Variants in ACER3 observed in about 807,000 individuals in gnomAD.
The protein encoded by ACER3 is alkCDase 3.
ACER3 carries 16 observed loss-of-function variants against 48.9 expected under a neutral mutation model. The observed-to-expected ratio is 0.33, with a 90% CI of 0.22 to 0.50. The LOEUF (loss-of-function observed/expected upper bound fraction) is 0.50, where lower values mean the gene tolerates loss of function less well. Ranked by LOEUF, ACER3 falls within the 20% of genes least tolerant of loss-of-function variation. The probability of loss-of-function intolerance (pLI) is 0.98; values close to 1 mark genes in which losing one functional copy is unlikely to be tolerated. For synonymous variants in ACER3, 109 were observed against 107.8 expected (o/e 1.01, Z -0.07); for missense variants, 227 against 326.0 (o/e 0.70, Z 2.34).
chr11:76,917,802 A>C (rs1946572073), intron 1 of ACER3, among the ~76,000 whole-genome samples: 1 of 151,292 alleles, frequency 6.6e-6, no homozygotes, highest in Admixed American at 6.6e-5. Flanking sequence ...TCGAGGCTGC[A>C]GTAAGCCATG....
intron 2 of ACER3, 98 bp downstream of exon 2, chr11:76,926,765 T>TA (rs1946841745): frequency 2.1e-5 from 16 of 747,742 alleles, no homozygotes; most frequent in Non-Finnish European, 3.5e-5. Context: ...TGTTATTACA[T>TA]AACTTGAATA....
intron 1 of ACER3, among the ~76,000 whole-genome samples, chr11:76,875,135 GATGGA>G (rs1945340043): frequency 4.2e-5 from 1 of 23,898 alleles, no homozygotes; most frequent in South Asian, 1.6e-3. Flanking sequence ...TTTTTTTTTA[GATGGA>G]ATCTCACTCT....
chr11:76,957,364 G>A lies in ACER3; in HGVS notation c.215-1615G>A, dbSNP rs1451377661. 3 of 302,298 alleles carry A rather than the reference G, an allele frequency of 9.9e-6. No individual in the cohort carries two copies. The Middle Eastern group carries it at 1.3e-3, about 126-fold the overall frequency. 18.7% of individuals were successfully genotyped at this position (302,298 alleles called of 1,614,324 possible). On this transcript the variant is annotated intron_variant, in intron 2 of 10. Transcript: ENST00000532485. ...GAAGCATAGAATTTTTTAAATTTTG[G>A]ATATTAAACCTTTGATATATTGAAG...
At chr11:76,996,290 T>G (rs972481367) in intron 6 of ACER3, among the ~76,000 whole-genome samples, 2 of 152,118 alleles carry the variant, frequency 1.3e-5, no homozygotes, top group African/African-American at 4.8e-5. Flanking sequence ...TTGGTCTGTT[T>G]CCTGTCAGTC....
chr11:76,962,993 G>T (rs769641821), intron 3 of ACER3, among the ~76,000 whole-genome samples: 2 of 151,442 alleles, frequency 1.3e-5, no homozygotes, highest in African/African-American at 4.9e-5. Context: ...CTACAGGCAA[G>T]ATAGAGCAGC....
At chr11:76,957,388 A>C (rs1368341172) in intron 2 of ACER3, 1 of 379,092 alleles carries the variant, frequency 2.6e-6, no homozygotes, top group Non-Finnish European at 5.3e-6. Flanking sequence ...GATATATTGA[A>C]GCACAGAATT....
chr11:76,966,993 C>T (rs528605816), intron 3 of ACER3, among the ~76,000 whole-genome samples: 2 of 152,150 alleles, frequency 1.3e-5, no homozygotes, highest in South Asian at 4.2e-4. Context: ...CACAAAAAAC[C>T]CTTCAAAAAA....
chr11:76,877,766 ATCT>A (rs1369503176), intron 1 of ACER3, among the ~76,000 whole-genome samples: 1 of 152,066 alleles, frequency 6.6e-6, no homozygotes, highest in Non-Finnish European at 1.5e-5. Flanking sequence ...CCCTGATCCC[ATCT>A]TCTTCCTTTT....
Position 76,926,636 on chromosome 11 carries a change from G to A in ACER3, c.183G>A (p.Lys61=), listed in dbSNP as rs4479014. 0.69 allele frequency: 1,101,626 copies of A among 1,590,284 alleles called. 394,028 individuals carry two copies. The highest frequency in any genetic ancestry group is 0.74 in the Non-Finnish European group (857,037 of 1,160,118). Residue 61 remains lysine, a synonymous_variant, in exon 2 of 11, where the codon AAG becomes AAA. Transcript: ENST00000532485. The stretch of plus-strand genomic sequence containing the variant: ...AGAGTGTTAGAGACGGTCTGGAAAA[G>A]CGGTACATTGCTTCTTATTTAGCAC... The part of the protein sequence containing the change: ...AVQSVRDGLE[K]RYIASYLALT...
intron 1 of ACER3, among the ~76,000 whole-genome samples, chr11:76,909,680 A>T (rs1467646949): frequency 6.6e-6 from 1 of 152,150 alleles, no homozygotes; most frequent in Non-Finnish European, 1.5e-5. Context: ...TGGGAGTGTA[A>T]ATTAGTTCAA....
intron 7 of ACER3, among the ~76,000 whole-genome samples, chr11:77,000,656 A>C (rs1200263691): frequency 6.6e-6 from 1 of 152,218 alleles, no homozygotes; most frequent in Non-Finnish European, 1.5e-5. Context: ...AAGACCCATT[A>C]GTGGAAAAGA....
intron 1 of ACER3, among the ~76,000 whole-genome samples, chr11:76,902,188 C>T (rs957670447): frequency 7.9e-5 from 12 of 152,190 alleles, no homozygotes; most frequent in African/African-American, 2.7e-4. Context: ...CTCCTGCCAT[C>T]TTGACATTTT....
intron 2 of ACER3, among the ~76,000 whole-genome samples, chr11:76,935,816 C>T (rs1947164755): frequency 6.6e-6 from 1 of 152,136 alleles, no homozygotes; most frequent in Non-Finnish European, 1.5e-5. Context: ...AAATTCAGTT[C>T]CTTTGTCACA....
chr11:76,982,192 CTATT>C (rs1382439273), intron 4 of ACER3, among the ~76,000 whole-genome samples: 1 of 147,186 alleles, frequency 6.8e-6, no homozygotes, highest in Non-Finnish European at 1.5e-5. Flanking sequence ...TAAGAACTAT[CTATT>C]CAATCTATTC....
chr11:77,017,207 T>C (rs1555023538), intron 9 of ACER3, among the ~76,000 whole-genome samples: 2 of 150,600 alleles, frequency 1.3e-5, no homozygotes, highest in South Asian at 4.3e-4. Flanking sequence ...AGAGTTGGGG[T>C]ACTGAAAGAT....
At chr11:76,934,644 A>G (rs987561793) in intron 2 of ACER3, among the ~76,000 whole-genome samples, 3 of 117,536 alleles carry the variant, frequency 2.6e-5, no homozygotes, top group Middle Eastern at 4.5e-3. Context: ...AGTACAGTCC[A>G]GCTTTGGCTC....
chr11:76,869,795 T>A (rs1945196204), intron 1 of ACER3, among the ~76,000 whole-genome samples: 1 of 152,232 alleles, frequency 6.6e-6, no homozygotes, highest in Non-Finnish European at 1.5e-5. Flanking sequence ...TCAAGGTTCA[T>A]CCATGTTATA....
intron 1 of ACER3, among the ~76,000 whole-genome samples, chr11:76,912,554 A>T (rs7105271): frequency 0.13 from 16,283 of 123,318 alleles, 2,880 homozygotes; most frequent in African/African-American, 0.4. Context: ...GTGATAATTT[A>T]AAAAAATTGT....
intron 1 of ACER3, among the ~76,000 whole-genome samples, chr11:76,879,485 A>G (rs576203237): frequency 4.6e-5 from 7 of 152,336 alleles, no homozygotes; most frequent in African/African-American, 1.4e-4. Context: ...AGTAGAAATG[A>G]CATCATGAGT....
Sources: allele counts gnomAD v4.1 joint callset (sites outside exome capture counted in the v4.1 genomes callset), GRCh38; gene constraint gnomAD v4.1.1; transcripts MANE v1.5; gene names NCBI Gene and HGNC (gene_info 2026-07-23, HGNC 2026-07-21).